Variants in CORO1C observed in about 807,000 individuals in gnomAD.
The protein encoded by CORO1C is coronin-1C.
Under a neutral mutation model 51.2 loss-of-function variants are expected in CORO1C, and 14 were observed. The observed-to-expected ratio is 0.27, with a 90% CI of 0.18 to 0.43. The LOEUF is 0.43. Among genes scored for constraint, CORO1C ranks in the 20% least tolerant of loss-of-function variants. The pLI, the probability that CORO1C is intolerant of heterozygous loss-of-function variation, is 1.00. For synonymous variants in CORO1C, 181 were observed against 210.5 expected, an observed-to-expected ratio of 0.86 and a Z score of 1.21; for missense variants, 417 against 607.8, an observed-to-expected ratio of 0.69 and a Z score of 3.30.
At position 108,658,648 on chromosome 12, in the gene CORO1C, T is replaced by C; in HGVS notation, c.630+90A>G. On this transcript the variant is annotated intron_variant, in intron 5 of 10. Coordinates refer to ENST00000261401, the MANE Select transcript of CORO1C (RefSeq NM_014325.4). The surrounding 1 kb of genome is among the most constrained non-coding windows in gnomAD (Gnocchi z 4.9). ...GTGTCTACACACAACAGGGTCCCACTGACCAGTACCGCTGCCTGCCTTAAA... is the reference window on the plus strand; with the variant it reads ...GTGTCTACACACAACAGGGTCCCACCGACCAGTACCGCTGCCTGCCTTAAA... 7.6e-7 allele frequency: 1 copy of C among 1,323,712 alleles called. No individual in the cohort carries two copies. Among genetic ancestry groups the C allele is most frequent in the Non-Finnish European group, 1.1e-6 (1 of 944,856 alleles). The allele number at this position is 1,323,712 out of a possible 1,614,324, so 82.0% of individuals were successfully genotyped here.
intron 2 of CORO1C, among the ~76,000 whole-genome samples, chr12:108,695,566 C>G (rs75029844): frequency 0.013 from 2,015 of 152,150 alleles, 41 homozygotes; most frequent in African/African-American, 0.046. Flanking sequence ...TAAGAGAACC[C>G]AATGGATGAG....
chr12:108,681,332 A>G (rs574306132), intron 2 of CORO1C, among the ~76,000 whole-genome samples: 1 of 152,384 alleles, frequency 6.6e-6, no homozygotes, highest in South Asian at 2.1e-4. Flanking sequence ...AGTTAAATGC[A>G]TAAGTCTTTA....
intron 1 of CORO1C, among the ~76,000 whole-genome samples, chr12:108,712,597 G>C (rs2035215164): frequency 6.9e-6 from 1 of 145,188 alleles, no homozygotes; most frequent in Non-Finnish European, 1.5e-5. Flanking sequence ...AAAAAAGGAA[G>C]TGGGAAATGT....
At chr12:108,695,127 C>CT (rs1253430396) in intron 2 of CORO1C, among the ~76,000 whole-genome samples, 1 of 152,206 alleles carries the variant, frequency 6.6e-6, no homozygotes, top group East Asian at 1.9e-4. Context: ...GCAGGATCTA[C>CT]TTTCAAGATG....
intron 3 of CORO1C, among the ~76,000 whole-genome samples, chr12:108,672,396 G>A (rs141560385): frequency 7.9e-5 from 12 of 152,280 alleles, no homozygotes; most frequent in Admixed American, 2.6e-4. Context: ...ACTAAAAGTC[G>A]TTTAGTTTTT....
intron 2 of CORO1C, among the ~76,000 whole-genome samples, chr12:108,693,173 T>C (rs2034558503): frequency 6.6e-6 from 1 of 152,102 alleles, no homozygotes; most frequent in African/African-American, 2.4e-5. Flanking sequence ...AATAAAAATA[T>C]ACATGTACAA....
intron 1 of CORO1C, among the ~76,000 whole-genome samples, chr12:108,719,819 G>A (rs1003489670): frequency 6.6e-6 from 1 of 152,194 alleles, no homozygotes; most frequent in Non-Finnish European, 1.5e-5. Context: ...TATGGTTCTT[G>A]CCATATCTAT....
intron 3 of CORO1C, among the ~76,000 whole-genome samples, chr12:108,676,173 G>A (rs1298353796): frequency 6.6e-6 from 1 of 152,164 alleles, no homozygotes; most frequent in African/African-American, 2.4e-5. Context: ...CAAAAGTCAG[G>A]AGAGTGGTTA....
At chr12:108,657,074 AT>A (rs202201759) in intron 6 of CORO1C, among the ~76,000 whole-genome samples, 16 of 152,310 alleles carry the variant, frequency 1.1e-4, no homozygotes, top group African/African-American at 3.4e-4. Context: ...AATTAAAAAA[AT>A]AAAAAATATA....
chr12:108,705,586 A>G (rs1398611889), intron 1 of CORO1C, among the ~76,000 whole-genome samples: 1 of 152,120 alleles, frequency 6.6e-6, no homozygotes, highest in Non-Finnish European at 1.5e-5. Context: ...AATTTTCCAA[A>G]GATAGAGAAG....
chr12:108,694,206 T>C (rs2034592033), intron 2 of CORO1C, among the ~76,000 whole-genome samples: 1 of 137,498 alleles, frequency 7.3e-6, no homozygotes, highest in South Asian at 2.3e-4. Context: ...TGCTTGAACC[T>C]GGGAGGTGGA....
intron 1 of CORO1C, among the ~76,000 whole-genome samples, chr12:108,706,388 C>A (rs1292861125): frequency 6.6e-6 from 1 of 152,084 alleles, no homozygotes; most frequent in Non-Finnish European, 1.5e-5. Flanking sequence ...CTTGTCCACC[C>A]TTGCCACTTC....
intron 3 of CORO1C, among the ~76,000 whole-genome samples, chr12:108,669,023 G>T (rs1288882333): frequency 6.6e-6 from 1 of 152,144 alleles, no homozygotes; most frequent in African/African-American, 2.4e-5. Context: ...TTACACAACT[G>T]CTGTGTGATA....
chr12:108,730,015 G>C (rs2035681464), intron 1 of CORO1C: 1 of 152,206 alleles, frequency 6.6e-6, no homozygotes, highest in Non-Finnish European at 1.5e-5. Context: ...TGCGGTAAGA[G>C]GGCCTAATAT....
At chr12:108,686,895 T>A (rs2034312686) in intron 2 of CORO1C, among the ~76,000 whole-genome samples, 1 of 152,192 alleles carries the variant, frequency 6.6e-6, no homozygotes, top group African/African-American at 2.4e-5. Flanking sequence ...TTCCAAAGCA[T>A]GTATACAGCT....
chr12:108,707,989 A>G (rs2035074402), intron 1 of CORO1C, among the ~76,000 whole-genome samples: 1 of 152,232 alleles, frequency 6.6e-6, no homozygotes. Flanking sequence ...ACAAGGGTTG[A>G]TGAGAATATA....
At chr12:108,669,884 T>C (rs1021762473) in intron 3 of CORO1C, among the ~76,000 whole-genome samples, 1 of 152,170 alleles carries the variant, frequency 6.6e-6, no homozygotes, top group Non-Finnish European at 1.5e-5. Context: ...TAACATGATA[T>C]AGGGGATATT....
intron 6 of CORO1C, among the ~76,000 whole-genome samples, chr12:108,654,772 G>A (rs1387838786): frequency 2.0e-5 from 3 of 151,446 alleles, no homozygotes; most frequent in South Asian, 4.2e-4. Flanking sequence ...GTGCTATCTC[G>A]GCTCACTGCA....
chr12:108,656,418 C>T (rs896243412), intron 6 of CORO1C, among the ~76,000 whole-genome samples: 2 of 150,660 alleles, frequency 1.3e-5, no homozygotes, highest in East Asian at 4.0e-4. Flanking sequence ...CAGCCCCATC[C>T]GGGAGGGAGG....
Sources: gnomAD v4.1 joint callset for allele counts (sites outside exome capture counted in the v4.1 genomes callset) on GRCh38, gnomAD v4.1.1 for gene constraint, Gnocchi (gnomAD v3.1) non-coding constraint, MANE v1.5 for transcripts, NCBI Gene and HGNC (gene_info 2026-07-23, HGNC 2026-07-21) for gene names.